Variants in SMCHD1 observed in about 807,000 individuals in gnomAD.
SMCHD1 encodes structural maintenance of chromosomes flexible hinge domain-containing protein 1.
Under a neutral mutation model 254.7 loss-of-function variants are expected in SMCHD1, and 78 were observed. The observed-to-expected ratio is 0.31, with a 90% CI of 0.26 to 0.37. The LOEUF is 0.37. Ranked by LOEUF, SMCHD1 falls within the 10% of genes least tolerant of loss-of-function variation. The pLI, the probability that SMCHD1 is intolerant of heterozygous loss-of-function variation, is 1.00. For missense variants in SMCHD1, 1,840 were observed against 2,408.1 expected, an observed-to-expected ratio of 0.76 and a Z score of 4.94; for synonymous variants, 766 against 794.9, an observed-to-expected ratio of 0.96 and a Z score of 0.61.
Position 2,732,415 on chromosome 18 carries a change from C to T in SMCHD1, c.3199C>T (p.His1067Tyr). Residue 1067 changes from histidine to tyrosine, a missense_variant, in exon 25 of 48, where the codon CAT becomes TAT. His to Tyr is a moderately conservative substitution (Grantham distance 83). Around this residue, in one of 9 missense-constraint regions of SMCHD1, gnomAD observed 881 missense variants for 1,009.5 expected, o/e 0.87. Transcript: ENST00000320876. ...EVNWIAGDIM[H>Y]NLIFQMYDEG... ...TAATTGGATAGCGGGTGATATTATG[C>T]ATAATCTTATTTTTCAAATGTATGA... 6.2e-7 allele frequency: 1 copy of T among 1,612,922 alleles called. No individual in the cohort carries two copies. The highest frequency in any genetic ancestry group is 8.5e-7 in the Non-Finnish European group (1 of 1,179,388).
intron 5 of SMCHD1, among the ~76,000 whole-genome samples, chr18:2,681,271 G>C (rs7233026): frequency 0.2 from 30,827 of 151,858 alleles, 3,366 homozygotes; most frequent in South Asian, 0.33. Context: ...AAATTAGCCA[G>C]GTGTGGTGGT....
chr18:2,658,842 ATG>A (rs1158366037), intron 1 of SMCHD1, among the ~76,000 whole-genome samples: 1 of 151,042 alleles, frequency 6.6e-6, no homozygotes, highest in African/African-American at 2.4e-5. Flanking sequence ...GTGTATATAT[ATG>A]TATATGTATA....
intron 41 of SMCHD1, among the ~76,000 whole-genome samples, chr18:2,774,969 G>T (rs2093539404): frequency 6.6e-6 from 1 of 151,756 alleles, no homozygotes; most frequent in Non-Finnish European, 1.5e-5. Context: ...TGACCTGAGG[G>T]AAAGAAAAAG....
Position 2,718,113 on chromosome 18 carries a change from G to A in SMCHD1, c.2261-45G>A, listed in dbSNP as rs984270289. The A allele has an allele frequency of 4.1e-6, 6 of 1,462,716 alleles. No individual in the cohort carries two copies. Among genetic ancestry groups the A allele is most frequent in the South Asian group, 1.2e-5 (1 of 83,552 alleles). The allele number at this position is 1,462,716 out of a possible 1,614,324, so 90.6% of individuals were successfully genotyped here. On this transcript the variant is annotated intron_variant, in intron 17 of 47. Coordinates refer to ENST00000320876, the MANE Select transcript of SMCHD1 (RefSeq NM_015295.3). This position sits in a 1 kb window ranked among gnomAD's most constrained non-coding sequence, Gnocchi z 4.6. ...TGACATTGCGTATTTCATGTTTTAC[G>A]TTGAATTTCTCAAGACACTATTGTT...
intron 28 of SMCHD1, among the ~76,000 whole-genome samples, chr18:2,742,240 T>G (rs113045279): frequency 6.6e-6 from 1 of 152,178 alleles, no homozygotes; most frequent in Non-Finnish European, 1.5e-5. Context: ...TCCAGCCAAG[T>G]GGACTTTTTT....
chr18:2,762,353 A>G lies in SMCHD1; in HGVS notation c.4566+117A>G. 1.2e-5 allele frequency: 10 copies of G among 846,052 alleles called. 1 individual carries two copies. In the South Asian group the frequency reaches 2.0e-4, roughly 17 times the overall value. The allele number at this position is 846,052 out of a possible 1,614,324, so 52.4% of individuals were successfully genotyped here. The stretch of plus-strand genomic sequence containing the variant: ...GTTACTCTGATTAAGGTTATAGGGA[A>G]AACTTGTGCAGATGAATTAAATATT... On this transcript the variant is annotated intron_variant, in intron 36 of 47. Transcript: ENST00000320876.
chr18:2,705,202 T>C (rs547928488), intron 13 of SMCHD1, among the ~76,000 whole-genome samples: 8 of 152,296 alleles, frequency 5.3e-5, no homozygotes, highest in Admixed American at 3.3e-4. Context: ...TAAACTCTTA[T>C]AGTCCTTGTT....
intron 1 of SMCHD1, among the ~76,000 whole-genome samples, chr18:2,661,624 C>A (rs1021526698): frequency 1.3e-5 from 2 of 151,718 alleles, no homozygotes; most frequent in Non-Finnish European, 2.9e-5. Context: ...GGTTAAAAAT[C>A]AAAAGAAAAT....
intron 42 of SMCHD1, among the ~76,000 whole-genome samples, chr18:2,777,276 C>T (rs2076083967): frequency 6.6e-6 from 1 of 152,222 alleles, no homozygotes; most frequent in South Asian, 2.1e-4. Context: ...TAGAGCTCCT[C>T]TCCACCTATG....
intron 39 of SMCHD1, 21 bp downstream of exon 39, chr18:2,770,129 G>A (rs2075951207): frequency 6.3e-7 from 1 of 1,592,874 alleles, no homozygotes; most frequent in South Asian, 1.2e-5. Flanking sequence ...TTGTATTCAA[G>A]ACAAAAATTA....
At chr18:2,722,784 A>C in intron 20 of SMCHD1, 121 bp downstream of exon 20, 3 of 800,484 alleles carry the variant, frequency 3.7e-6, no homozygotes, top group Non-Finnish European at 5.5e-6. Flanking sequence ...ATATTAGTGA[A>C]TTTTATTATA....
At chr18:2,752,585 A>G (rs757890899) in intron 34 of SMCHD1, 33 bp downstream of exon 34, 34 of 1,379,136 alleles carry the variant, frequency 2.5e-5, no homozygotes, top group Non-Finnish European at 3.4e-5. Flanking sequence ...TTTTGAATAC[A>G]TATCTTGTTA....
At chr18:2,750,170 T>C (rs2075544547) in intron 31 of SMCHD1, 48 bp downstream of exon 31, 1 of 1,523,938 alleles carries the variant, frequency 6.6e-7, no homozygotes, top group Non-Finnish European at 8.9e-7. Context: ...AGATTCGTTT[T>C]TCTTACTGCT....
intron 34 of SMCHD1, among the ~76,000 whole-genome samples, chr18:2,754,839 T>TA (rs1318399710): frequency 1.3e-5 from 2 of 149,034 alleles, no homozygotes; most frequent in Non-Finnish European, 3.0e-5. Context: ...TTTTTTTTTT[T>TA]AATGTATAGT....
At chr18:2,766,690 T>C (rs2075874798) in intron 37 of SMCHD1, among the ~76,000 whole-genome samples, 1 of 152,262 alleles carries the variant, frequency 6.6e-6, no homozygotes, top group South Asian at 2.1e-4. Flanking sequence ...AGTTTGTTAA[T>C]TGTGCTATTC....
intron 44 of SMCHD1, chr18:2,779,026 C>G (rs564492188): frequency 6.6e-6 from 1 of 152,278 alleles, no homozygotes; most frequent in African/African-American, 2.4e-5. Flanking sequence ...TTCTTTCCTC[C>G]CCTTCTTACT....
intron 17 of SMCHD1, among the ~76,000 whole-genome samples, chr18:2,711,854 T>C (rs992696362): frequency 1.3e-4 from 20 of 152,274 alleles, no homozygotes; most frequent in Admixed American, 6.5e-4. Flanking sequence ...GGTGCACATC[T>C]CTCATGAAGG....
Position 2,769,764 on chromosome 18 carries a change from T to A in SMCHD1, c.4790T>A (p.Leu1597Gln), listed in dbSNP as rs2075941751. Residue 1597 changes from leucine (L) to glutamine (Q), a missense_variant, in exon 38 of 48, where the codon CTA (leucine) becomes CAA (glutamine). Physicochemically the swap from Leu to Gln is moderately radical, Grantham distance 113 (BLOSUM62 -2). Transcript: ENST00000320876. ...TEYFIVFEPR[L>Q]PLLSRTLEPY... ...TATTTTATTGTATTTGAGCCCCGGC[T>A]ACCACTTTTATCAAGAACCTTAGAA... is the stretch of plus-strand genomic sequence containing the variant. 1.9e-6 allele frequency: 3 copies of A among 1,604,408 alleles called. No homozygotes were observed. Among genetic ancestry groups the A allele is most frequent in the Non-Finnish European group, 2.6e-6 (3 of 1,174,402 alleles).
Position 2,748,341 on chromosome 18 carries a change from GTTGT to G in SMCHD1, c.3927+695_3927+698del, listed in dbSNP as rs1226034636. 1.2e-4 allele frequency among the ~76,000 whole-genome samples: 12 copies of G among 100,352 alleles called. 1 individual carries two copies. Among genetic ancestry groups the G allele is most frequent in the African/African-American group, 5.7e-4 (11 of 19,364 alleles). The allele number at this position is 100,352 out of a possible 152,430, so 65.8% of individuals were successfully genotyped here. On this transcript the variant is annotated intron_variant, in intron 30 of 47. Coordinates refer to ENST00000320876, the MANE Select transcript of SMCHD1 (RefSeq NM_015295.3). ...AGGAAAAGCTGCTAGTCTTTGCAAA[GTTGT>G]GTGTGTGTGTGTGTGTGTGTGTGTG...
Sources: gnomAD v4.1 joint callset for allele counts (sites outside exome capture counted in the v4.1 genomes callset) on GRCh38, gnomAD v4.1.1 for gene constraint, gnomAD v4.1.1 regional missense constraint, Gnocchi (gnomAD v3.1) non-coding constraint, MANE v1.5 for transcripts, NCBI Gene and HGNC (gene_info 2026-07-23, HGNC 2026-07-21) for gene names.